The following CTSL variants were observed in gnomAD, a reference collection of about 807,000 sequenced individuals.
CTSL encodes the protein procathepsin L.
In CTSL, 23 loss-of-function variants were observed where a neutral mutation model predicts 34.7. That is an observed-to-expected ratio of 0.66 (90% CI 0.48 to 0.94). The LOEUF is 0.94. CTSL is among the 40% of genes least tolerant of loss of function. The pLI, the probability that CTSL is intolerant of heterozygous loss-of-function variation, is 0.00. For missense variants in CTSL, 361 were observed against 406.3 expected, an observed-to-expected ratio of 0.89 and a Z score of 0.96; for synonymous variants, 129 against 136.7, an observed-to-expected ratio of 0.94 and a Z score of 0.39.
intron 2 of CTSL, 113 bp downstream of exon 2, chr9:87,727,842 T>A: frequency 6.9e-7 from 1 of 1,439,672 alleles, no homozygotes; most frequent in Non-Finnish European, 9.6e-7. Flanking sequence ...CCTAATGGCG[T>A]GGATTATGAG....
intron 5 of CTSL, 115 bp downstream of exon 5, chr9:87,728,924 G>T: frequency 6.6e-7 from 1 of 1,523,890 alleles, no homozygotes; most frequent in Non-Finnish European, 8.8e-7. Context: ...GGTGGCTCAC[G>T]CCTGTAATCC....
At position 87,730,482 on chromosome 9, in the gene CTSL, T is replaced by C. The variant is rs754852140; in HGVS notation, c.886T>C (p.Trp296Arg). 1.2e-6 allele frequency: 2 copies of C among 1,609,338 alleles called. No individual in the cohort carries two copies. Among genetic ancestry groups the C allele is most frequent in the Non-Finnish European group, 1.7e-6 (2 of 1,177,528 alleles). ...ESTESDNNKY[W>R]LVKNSWGEEW... ...CACAGAATCAGATAACAATAAATAT[T>C]GGCTGGTGAAGAACAGGTATAAATT... is the stretch of plus-strand genomic sequence containing the variant. Residue 296 changes from tryptophan to arginine, a missense_variant, in exon 7 of 8, where the codon TGG becomes CGG. Coordinates refer to ENST00000343150, the MANE Select transcript of CTSL (RefSeq NM_001912.5).
intron 5 of CTSL, 97 bp downstream of exon 5, chr9:87,728,906 C>A: frequency 6.4e-7 from 1 of 1,560,974 alleles, no homozygotes; most frequent in Non-Finnish European, 8.7e-7. Context: ...TATATTAGGG[C>A]TGGGTGGGGT....
Position 87,728,192 on chromosome 9 carries a change from C to T in CTSL, c.249+43C>T, listed in dbSNP as rs73487405. 1.3e-3 allele frequency: 2,069 copies of T among 1,614,168 alleles called. 28 individuals carry two copies. In the African/African-American group the frequency reaches 0.024, roughly 19 times the overall value. On this transcript the variant is annotated intron_variant, in intron 3 of 7. Coordinates refer to ENST00000343150, the MANE Select transcript of CTSL (RefSeq NM_001912.5). Reference sequence around the variant, plus strand: ...TGCCGAGCTCTGTGCTTCCTCTCTTCGGTTCTTTACTAAGGTAATCTCTTG... The same window carrying T: ...TGCCGAGCTCTGTGCTTCCTCTCTTTGGTTCTTTACTAAGGTAATCTCTTG...
chr9:87,727,510 A>G, intron 1 of CTSL, 84 bp from the exon 2 acceptor site: 1 of 1,321,778 alleles, frequency 7.6e-7, no homozygotes, highest in Non-Finnish European at 1.1e-6. Flanking sequence ...TTATTCTACC[A>G]TGGTGGCCCT....
At chr9:87,729,185 C>T (rs1357549744) in intron 5 of CTSL, among the ~76,000 whole-genome samples, 1 of 151,820 alleles carries the variant, frequency 6.6e-6, no homozygotes, top group Non-Finnish European at 1.5e-5. Flanking sequence ...AAAAAGTTCA[C>T]ATATTAGATG....
chr9:87,728,561 A>T, intron 4 of CTSL, 24 bp from the exon 5 acceptor site: 1 of 1,595,054 alleles, frequency 6.3e-7, no homozygotes, highest in South Asian at 1.1e-5. Flanking sequence ...TGTGGATGAC[A>T]GCTTTTTTTA....
chr9:87,729,485 A>G (rs927081565), intron 5 of CTSL, 88 bp from the exon 6 acceptor site: 31 of 1,141,096 alleles, frequency 2.7e-5, no homozygotes, highest in African/African-American at 4.7e-5. Flanking sequence ...ACTAAGCTGC[A>G]CACTGCTGAG....
rs1826250937 is a variant in CTSL, at chr9:87,731,206, C to T, written c.*99C>T. The T allele has an allele frequency of 1.3e-6, 1 of 751,128 alleles. No homozygotes were observed. Among genetic ancestry groups the T allele is most frequent in the South Asian group, 2.0e-5 (1 of 50,568 alleles). 46.5% of individuals were successfully genotyped at this position (751,128 alleles called of 1,614,324 possible). ...CAGCCCCCGCTGTGTCGGATACACA[C>T]TCGAATCATTGAAGATCCGAGTGTG... On this transcript the variant is annotated 3_prime_UTR_variant, in exon 8 of 8. Coordinates refer to ENST00000343150, the MANE Select transcript of CTSL (RefSeq NM_001912.5).
At chr9:87,730,892 C>G in intron 7 of CTSL, 116 bp from the exon 8 acceptor site, 1 of 762,934 alleles carries the variant, frequency 1.3e-6, no homozygotes. Context: ...ATTGCCTGTC[C>G]TGATTCTTTC....
intron 7 of CTSL, among the ~76,000 whole-genome samples, chr9:87,730,761 C>T (rs1244735212): frequency 6.6e-6 from 1 of 152,182 alleles, no homozygotes; most frequent in Admixed American, 6.5e-5. Context: ...TATCTGGCTG[C>T]AAAGACATCC....
At chr9:87,730,154 T>A (rs1826202142) in intron 6 of CTSL, among the ~76,000 whole-genome samples, 1 of 152,210 alleles carries the variant, frequency 6.6e-6, no homozygotes, top group Non-Finnish European at 1.5e-5. Context: ...GGTCTTTTTT[T>A]CCTCTAGGAA....
chr9:87,728,187 C>G lies in CTSL; in HGVS notation c.249+38C>G, dbSNP rs577009119. On this transcript the variant is annotated intron_variant, in intron 3 of 7. Transcript: ENST00000343150. ...TGGACTGCCGAGCTCTGTGCTTCCT[C>G]TCTTCGGTTCTTTACTAAGGTAATC... 3.0e-5 allele frequency: 49 copies of G among 1,614,216 alleles called. No homozygotes were observed. The South Asian group carries it at 5.2e-4, about 17-fold the overall frequency.
intron 5 of CTSL, 183 bp downstream of exon 5, chr9:87,728,992 C>A: frequency 7.1e-7 from 1 of 1,414,976 alleles, no homozygotes; most frequent in Non-Finnish European, 9.3e-7. Flanking sequence ...TTGAGACCAG[C>A]CTGGGCAACA....
chr9:87,730,466 A>G lies in CTSL; in HGVS notation c.870A>G (p.Ser290=), dbSNP rs2118252396. 1 of 1,612,746 alleles carries G rather than the reference A, an allele frequency of 6.2e-7. No individual in the cohort carries two copies. Among genetic ancestry groups the G allele is most frequent in the South Asian group, 1.1e-5 (1 of 90,872 alleles). The part of the protein sequence containing the change: ...VVGYGFESTE[S]DNNKYWLVKN... ...GCTACGGATTTGAAAGCACAGAATC[A>G]GATAACAATAAATATTGGCTGGTGA... The change falls in exon 7 of 8, where the codon TCA becomes TCG. Residue 290 remains serine, a synonymous_variant. Coordinates refer to ENST00000343150, the MANE Select transcript of CTSL (RefSeq NM_001912.5).
At chr9:87,727,483 G>A in intron 1 of CTSL, 111 bp from the exon 2 acceptor site, 3 of 1,154,506 alleles carry the variant, frequency 2.6e-6, no homozygotes, top group Non-Finnish European at 3.7e-6. Flanking sequence ...ATGCTTGGGA[G>A]AATAATTTAA....
chr9:87,727,487 A>C, intron 1 of CTSL, 107 bp from the exon 2 acceptor site: 108 of 1,082,670 alleles, frequency 1.0e-4, no homozygotes, highest in Non-Finnish European at 1.4e-4. Context: ...TTGGGAGAAT[A>C]ATTTAAATAT....
rs1175489491 is a variant in CTSL at position 87,729,587 on chromosome 9, G to A, written c.636G>A (p.Lys212=). The A allele has an allele frequency of 7.4e-6, 12 of 1,613,874 alleles. 1 individual carries two copies. The South Asian group carries it at 1.3e-4, about 18-fold the overall frequency. ...ACCTTTGAAAGGAAGAATCCTGTAAGTACAATCCCAAGTATTCTGTTGCTA... is the reference window on the plus strand; with the variant it reads ...ACCTTTGAAAGGAAGAATCCTGTAAATACAATCCCAAGTATTCTGTTGCTA... ...YPYEATEESC[K]YNPKYSVAND... Residue 212 remains lysine (K), a synonymous_variant, in exon 6 of 8, where the codon AAG becomes AAA. Coordinates refer to ENST00000343150, the MANE Select transcript of CTSL (RefSeq NM_001912.5).
intron 1 of CTSL, among the ~76,000 whole-genome samples, chr9:87,726,902 C>T (rs1004984804): frequency 2.0e-5 from 3 of 151,756 alleles, no homozygotes; most frequent in African/African-American, 7.3e-5. Context: ...ATTAGACGGG[C>T]GAGGCGGCGC....
Sources: gnomAD v4.1 joint callset for allele counts (sites outside exome capture counted in the v4.1 genomes callset) on GRCh38, gnomAD v4.1.1 for gene constraint, MANE v1.5 for transcripts, NCBI Gene and HGNC (gene_info 2026-07-23, HGNC 2026-07-21) for gene names.